Variants in OLFM2 observed in about 807,000 individuals in gnomAD.
The protein encoded by OLFM2 is olfactomedin 2.
OLFM2 carries 20 observed loss-of-function variants against 43.9 expected under a neutral mutation model. The observed-to-expected ratio is 0.46, with a 90% CI of 0.32 to 0.66. The LOEUF is 0.66. OLFM2 is among the 30% of genes least tolerant of loss of function. The pLI is 0.04. For missense variants in OLFM2, 416 were observed against 643.6 expected (o/e 0.65, Z 3.83); for synonymous variants, 268 against 278.6 (o/e 0.96, Z 0.38).
intron 1 of OLFM2, among the ~76,000 whole-genome samples, chr19:9,920,741 C>A (rs79094082): frequency 5.1e-4 from 64 of 126,564 alleles, no homozygotes; most frequent in East Asian, 7.0e-4. Flanking sequence ...ACTAAACATA[C>A]AAAAAAAAAA....
At chr19:9,863,739 GT>G (rs1422667677) in intron 1 of OLFM2, among the ~76,000 whole-genome samples, 4 of 151,742 alleles carry the variant, frequency 2.6e-5, no homozygotes, top group Admixed American at 6.6e-5. Context: ...ACTCAATCGA[GT>G]CTTTTTTTTT....
At chr19:9,881,861 T>G (rs1313704439) in intron 1 of OLFM2, among the ~76,000 whole-genome samples, 1 of 152,114 alleles carries the variant, frequency 6.6e-6, no homozygotes, top group Admixed American at 6.6e-5. Context: ...AAAGGCCTCA[T>G]TTTAATTTAA....
At chr19:9,896,842 A>G (rs1203228629) in intron 1 of OLFM2, among the ~76,000 whole-genome samples, 1 of 152,164 alleles carries the variant, frequency 6.6e-6, no homozygotes, top group Non-Finnish European at 1.5e-5. Flanking sequence ...AGCGCCACAC[A>G]TCCATGTCTG....
chr19:9,928,825 AG>A (rs2086467710), intron 1 of OLFM2, among the ~76,000 whole-genome samples: 1 of 151,574 alleles, frequency 6.6e-6, no homozygotes, highest in Non-Finnish European at 1.5e-5. Flanking sequence ...AAAGAGAGAA[AG>A]AGAATAAGCT....
chr19:9,919,993 T>A (rs1332490882), intron 1 of OLFM2, among the ~76,000 whole-genome samples: 1 of 144,784 alleles, frequency 6.9e-6, no homozygotes, highest in Non-Finnish European at 1.5e-5. Flanking sequence ...TTAGTAGAGG[T>A]AGGGTTTCAC....
chr19:9,867,612 C>A (rs2046412571), intron 1 of OLFM2, among the ~76,000 whole-genome samples: 1 of 152,122 alleles, frequency 6.6e-6, no homozygotes, highest in African/African-American at 2.4e-5. Flanking sequence ...CTGCCTTGTT[C>A]CAGAGAGGAC....
intron 1 of OLFM2, among the ~76,000 whole-genome samples, chr19:9,865,940 A>T (rs2046399302): frequency 6.6e-6 from 1 of 152,108 alleles, no homozygotes; most frequent in South Asian, 2.1e-4. Context: ...TCTTTTGTGC[A>T]GAGACAAAGC....
chr19:9,905,382 G>A lies in OLFM2; in HGVS notation c.63+30922C>T, dbSNP rs188051283. ...TGAGGCAGGAGAATGGCTTGAACCC[G>A]GAAGGCGGAGCTTGCAGTGAGCCGA... On this transcript the variant is annotated intron_variant, in intron 1 of 5. Transcript: ENST00000264833. Among the ~76,000 whole-genome samples, 1,090 of 152,162 alleles carry A rather than the reference G, an allele frequency of 7.2e-3. 15 individuals are homozygous for A. The highest frequency in any genetic ancestry group is 0.024 in the African/African-American group (1,001 of 41,514).
At chr19:9,870,543 G>C (rs554715560) in intron 1 of OLFM2, among the ~76,000 whole-genome samples, 1 of 152,158 alleles carries the variant, frequency 6.6e-6, no homozygotes, top group South Asian at 2.1e-4. Flanking sequence ...GGATGTAGGC[G>C]CACACTGCTG....
chr19:9,865,545 G>A (rs1439536482), intron 1 of OLFM2, among the ~76,000 whole-genome samples: 2 of 138,370 alleles, frequency 1.4e-5, no homozygotes, highest in Non-Finnish European at 3.0e-5. Flanking sequence ...AGGCTGGAGT[G>A]CAATGGCGGG....
intron 1 of OLFM2, among the ~76,000 whole-genome samples, chr19:9,911,728 G>T (rs547865161): frequency 1.1e-4 from 16 of 152,204 alleles, no homozygotes; most frequent in African/African-American, 2.9e-4. Flanking sequence ...TATACATTCT[G>T]CAGACACACC....
In OLFM2 at chr19:9,856,788, G is replaced by T. The variant is rs1455438493; in HGVS notation, c.687+19C>A. ...GTCCCTCCCAGGCCCTGACCCCAGGGGTGGGCGCAGTCACTCACCCGGCTA... is the reference window on the plus strand; with the variant it reads ...GTCCCTCCCAGGCCCTGACCCCAGGTGTGGGCGCAGTCACTCACCCGGCTA... On this transcript the variant is annotated intron_variant, in intron 5 of 5. Coordinates refer to ENST00000264833, the MANE Select transcript of OLFM2 (RefSeq NM_058164.4). This position sits in a 1 kb window ranked among gnomAD's most constrained non-coding sequence, Gnocchi z 4.0. 6 of 1,598,044 alleles carry T rather than the reference G, an allele frequency of 3.8e-6. No individual in the cohort carries two copies. Among genetic ancestry groups the T allele is most frequent in the Non-Finnish European group, 5.1e-6 (6 of 1,167,776 alleles).
chr19:9,914,847 C>T (rs1424262262), intron 1 of OLFM2, among the ~76,000 whole-genome samples: 1 of 152,082 alleles, frequency 6.6e-6, no homozygotes, highest in African/African-American at 2.4e-5. Context: ...CGCATCACCT[C>T]GCTCCGCCGC....
chr19:9,868,626 A>G (rs1479586543), intron 1 of OLFM2, among the ~76,000 whole-genome samples: 1 of 152,068 alleles, frequency 6.6e-6, no homozygotes, highest in Non-Finnish European at 1.5e-5. Context: ...GTTTTCTACA[A>G]TGAACGTGTA....
chr19:9,864,364 G>A (rs1334451721), intron 1 of OLFM2, among the ~76,000 whole-genome samples: 3 of 151,886 alleles, frequency 2.0e-5, no homozygotes, highest in Admixed American at 1.3e-4. Context: ...GCAGTGGTGC[G>A]ATCTTGGCTC....
chr19:9,870,991 C>T (rs897515991), intron 1 of OLFM2, among the ~76,000 whole-genome samples: 2 of 151,992 alleles, frequency 1.3e-5, no homozygotes, highest in Non-Finnish European at 2.9e-5. Context: ...AAGACCAGAC[C>T]GGGCCCAGTG....
chr19:9,900,228 G>A (rs1252165041), intron 1 of OLFM2, among the ~76,000 whole-genome samples: 4 of 152,226 alleles, frequency 2.6e-5, no homozygotes, highest in South Asian at 2.1e-4. Flanking sequence ...GAAGAGAGGT[G>A]TCAGGGAAGA....
intron 1 of OLFM2, among the ~76,000 whole-genome samples, chr19:9,871,560 A>C (rs2046442371): frequency 7.1e-6 from 1 of 140,224 alleles, no homozygotes; most frequent in Non-Finnish European, 1.5e-5. Flanking sequence ...GCCACATAGC[A>C]TGACTCTGCT....
chr19:9,863,645 C>T (rs980449802), intron 1 of OLFM2, among the ~76,000 whole-genome samples: 2 of 151,750 alleles, frequency 1.3e-5, no homozygotes, highest in Non-Finnish European at 2.9e-5. Context: ...GAATCGGTGC[C>T]GTGAGCTGCA....
Sources: allele counts gnomAD v4.1 joint callset (sites outside exome capture counted in the v4.1 genomes callset), GRCh38; gene constraint gnomAD v4.1.1; non-coding constraint Gnocchi (gnomAD v3.1); transcripts MANE v1.5; gene names NCBI Gene and HGNC (gene_info 2026-07-23, HGNC 2026-07-21).